The following RFX2 variants were observed in gnomAD, a reference collection of about 807,000 sequenced individuals.
The protein encoded by RFX2 is DNA-binding protein RFX2.
Under a neutral mutation model 87.8 loss-of-function variants are expected in RFX2, and 20 were observed. The observed-to-expected ratio is 0.23, with a 90% confidence interval of 0.16 to 0.33. The LOEUF is 0.33. Ranked by LOEUF, RFX2 falls within the 10% of genes least tolerant of loss-of-function variation. The pLI, the probability that RFX2 is intolerant of heterozygous loss-of-function variation, is 1.00. For missense variants in RFX2, 767 were observed against 1,012.3 expected (o/e 0.76, Z 3.29); for synonymous variants, 397 against 431.3 (o/e 0.92, Z 0.98).
chr19:6,030,990 T>A (rs1028558741), intron 5 of RFX2, among the ~76,000 whole-genome samples: 5 of 152,198 alleles, frequency 3.3e-5, no homozygotes, highest in Non-Finnish European at 1.5e-5. Context: ...GAAAAGTCAC[T>A]AACTTTGAGA....
chr19:6,002,211 G>A lies in RFX2; in HGVS notation c.1651-188C>T, dbSNP rs1367809231. On this transcript the variant is annotated intron_variant, in intron 14 of 17. Transcript: ENST00000303657. This position sits in a 1 kb window ranked among gnomAD's most constrained non-coding sequence, Gnocchi z 6.7. ...GCAGAATAGAGAGCTGAGGGGGATC[G>A]TACCCGGCTTCCGGGGACTCATACC... 2.6e-5 allele frequency among the ~76,000 whole-genome samples: 4 copies of A among 152,268 alleles called. No individual in the cohort carries two copies. The highest frequency in any genetic ancestry group is 4.4e-5 in the Non-Finnish European group (3 of 68,046).
rs541057991 is a variant in RFX2 at position 6,013,434 on chromosome 19, C to T, written c.780-329G>A. On this transcript the variant is annotated intron_variant, in intron 7 of 17. Transcript: ENST00000303657. The surrounding 1 kb of genome is among the most constrained non-coding windows in gnomAD (Gnocchi z 4.1). ...CTCCTGGGCTCAAGTGATCCTCCTGCCTTGGCCTCCCAAAGTGCTGGGATT... is the reference window on the plus strand; with the variant it reads ...CTCCTGGGCTCAAGTGATCCTCCTGTCTTGGCCTCCCAAAGTGCTGGGATT... 2.4e-4 allele frequency among the ~76,000 whole-genome samples: 37 copies of T among 151,880 alleles called. No individual in the cohort carries two copies. Among genetic ancestry groups the T allele is most frequent in the African/African-American group, 8.2e-4 (34 of 41,398 alleles).
At position 6,064,442 on chromosome 19, in the gene RFX2, G is replaced by C. The variant is rs991023697; in HGVS notation, c.-8-16938C>G. Among the ~76,000 whole-genome samples, 1 of 152,216 alleles carries C rather than the reference G, an allele frequency of 6.6e-6. No homozygotes were observed. The highest frequency in any genetic ancestry group is 1.5e-5 in the Non-Finnish European group (1 of 68,038). On this transcript the variant is annotated intron_variant, in intron 1 of 17. Coordinates refer to ENST00000303657, the MANE Select transcript of RFX2 (RefSeq NM_000635.4). The surrounding 1 kb of genome is among the most constrained non-coding windows in gnomAD (Gnocchi z 4.8). ...GCCAGTGAAAACCTGGCATGCGGAG[G>C]CCTCACCTCACTCACCCTCTCCTGT...
intron 1 of RFX2, among the ~76,000 whole-genome samples, chr19:6,072,430 C>T (rs2087620503): frequency 6.6e-6 from 1 of 152,184 alleles, no homozygotes; most frequent in Admixed American, 6.5e-5. Flanking sequence ...GGGCCAGGAG[C>T]AGTGGCTCAT....
Position 5,997,114 on chromosome 19 carries a change from C to T in RFX2, c.1959G>A (p.Val653=), listed in dbSNP as rs2144659610. ...CGGTGGCCTCCGCGACGCGGTGCTC[C>T]ACCAGGTAGAACATGTACTCGTCGT... ...LLYDEYMFYL[V]EHRVAEATGE... Residue 653 remains valine, a synonymous_variant, in exon 16 of 18, where the codon GTG becomes GTA. Coordinates refer to ENST00000303657, the MANE Select transcript of RFX2 (RefSeq NM_000635.4). This position sits in a 1 kb window ranked among gnomAD's most constrained non-coding sequence, Gnocchi z 4.2. 6.2e-7 allele frequency: 1 copy of T among 1,613,686 alleles called. No homozygotes were observed. The highest frequency in any genetic ancestry group is 1.6e-4 in the Middle Eastern group (1 of 6,062).
At chr19:6,030,603 A>G (rs2086942741) in intron 5 of RFX2, among the ~76,000 whole-genome samples, 1 of 152,216 alleles carries the variant, frequency 6.6e-6, no homozygotes, top group Non-Finnish European at 1.5e-5. Context: ...GGAAGAAGGG[A>G]CAATGGAGAG....
chr19:6,079,757 G>A (rs1316742789), intron 1 of RFX2, among the ~76,000 whole-genome samples: 1 of 151,906 alleles, frequency 6.6e-6, no homozygotes, highest in Non-Finnish European at 1.5e-5. Flanking sequence ...ATGGTGGCTC[G>A]TGCCTGTAGT....
intron 1 of RFX2, among the ~76,000 whole-genome samples, chr19:6,059,694 C>T (rs1240772330): frequency 5.3e-5 from 8 of 152,132 alleles, no homozygotes; most frequent in African/African-American, 1.7e-4. Context: ...ACACTCCCCA[C>T]GTATGCATAT....
Position 6,001,708 on chromosome 19 carries a change from G to T in RFX2, c.1859+107C>A. Reference sequence around the variant, plus strand: ...GTTCAGACACTGCTGCAACTCTGCTGAGCCCTGTTTTGCTCTGAGCTCACC... The same window carrying T: ...GTTCAGACACTGCTGCAACTCTGCTTAGCCCTGTTTTGCTCTGAGCTCACC... On this transcript the variant is annotated intron_variant, in intron 15 of 17. Coordinates refer to ENST00000303657, the MANE Select transcript of RFX2 (RefSeq NM_000635.4). The surrounding 1 kb of genome is among the most constrained non-coding windows in gnomAD (Gnocchi z 5.6). 1 of 948,590 alleles carries T rather than the reference G, an allele frequency of 1.1e-6. No individual in the cohort carries two copies. Among genetic ancestry groups the T allele is most frequent in the Non-Finnish European group, 1.5e-6 (1 of 649,620 alleles). 58.8% of individuals were successfully genotyped at this position (948,590 alleles called of 1,614,324 possible). A position where few individuals can be genotyped will look rare whatever the true frequency, so the allele number is the denominator to read the frequency against.
In RFX2 at chr19:6,021,714, G is replaced by A. The variant is rs1034349962; in HGVS notation, c.597+4449C>T. Among the ~76,000 whole-genome samples, 1 of 152,226 alleles carries A rather than the reference G, an allele frequency of 6.6e-6. No individual in the cohort carries two copies. The highest frequency in any genetic ancestry group is 2.1e-4 in the South Asian group (1 of 4,836). ...AGCACAGTGAGGAGTGGGAGAGAGC[G>A]GGTCCTGCAGGGCCTTGTGGGCCAT... On this transcript the variant is annotated intron_variant, in intron 6 of 17. Transcript: ENST00000303657. This position sits in a 1 kb window ranked among gnomAD's most constrained non-coding sequence, Gnocchi z 5.7.
intron 1 of RFX2, among the ~76,000 whole-genome samples, chr19:6,091,407 C>T (rs1270005858): frequency 1.3e-5 from 2 of 151,334 alleles, no homozygotes; most frequent in South Asian, 2.1e-4. Flanking sequence ...ATGATCGCAC[C>T]ACCCCACTGC....
chr19:6,089,648 C>T (rs2144879402), intron 1 of RFX2, among the ~76,000 whole-genome samples: 1 of 152,354 alleles, frequency 6.6e-6, no homozygotes, highest in South Asian at 2.1e-4. Flanking sequence ...AGAAGCCGAA[C>T]CAGAAAGCAG....
chr19:5,994,163 C>T lies in RFX2; in HGVS notation c.*672G>A, dbSNP rs759896839. 6.6e-6 allele frequency: 1 copy of T among 152,268 alleles called. No individual in the cohort carries two copies. Among genetic ancestry groups the T allele is most frequent in the Non-Finnish European group, 1.5e-5 (1 of 68,072 alleles). The allele number at this position is 152,268 out of a possible 1,614,324, so 9.4% of individuals were successfully genotyped here. A position where few individuals can be genotyped will look rare whatever the true frequency, so the allele number is the denominator to read the frequency against. On this transcript the variant is annotated 3_prime_UTR_variant, in exon 18 of 18. Transcript: ENST00000303657. The stretch of plus-strand genomic sequence containing the variant: ...CCGGGACACAGCGATTGTCAGCTGC[C>T]CCTCAAGTCCTTTGGCATCTGGAGA...
intron 1 of RFX2, among the ~76,000 whole-genome samples, chr19:6,089,337 T>C (rs1035690463): frequency 6.6e-6 from 1 of 152,198 alleles, no homozygotes; most frequent in South Asian, 2.1e-4. Flanking sequence ...TGTGGGGTTT[T>C]GGGCAGTCTC....
intron 2 of RFX2, among the ~76,000 whole-genome samples, chr19:6,046,864 G>A (rs1192596710): frequency 1.3e-5 from 2 of 151,706 alleles, no homozygotes; most frequent in Non-Finnish European, 1.5e-5. Flanking sequence ...CCCAGGCTCA[G>A]GTGATCCTCC....
chr19:6,077,320 G>A (rs940757377), intron 1 of RFX2, among the ~76,000 whole-genome samples: 1 of 152,178 alleles, frequency 6.6e-6, no homozygotes, highest in Admixed American at 6.5e-5. Flanking sequence ...ACAGGCAAGG[G>A]CACCAGGGTT....
rs538314585 is a variant in RFX2, at chr19:6,047,913, G to A, written c.-8-409C>T. Among the ~76,000 whole-genome samples, 2 of 152,338 alleles carry A rather than the reference G, an allele frequency of 1.3e-5. No individual in the cohort carries two copies. The highest frequency in any genetic ancestry group is 6.5e-5 in the Admixed American group (1 of 15,312). On this transcript the variant is annotated intron_variant, in intron 1 of 17. Transcript: ENST00000303657. This position sits in a 1 kb window ranked among gnomAD's most constrained non-coding sequence, Gnocchi z 4.2. The stretch of plus-strand genomic sequence containing the variant: ...TTTGGGAAGCTACTGCACCCCAAAC[G>A]ACAACGGGAGAAACTCTAAGGCTGG...
chr19:6,102,797 T>A (rs2088147425), intron 1 of RFX2, among the ~76,000 whole-genome samples: 1 of 152,192 alleles, frequency 6.6e-6, no homozygotes, highest in African/African-American at 2.4e-5. Context: ...TTTTTGTCTC[T>A]ACTGTTCAAT....
intron 1 of RFX2, among the ~76,000 whole-genome samples, chr19:6,062,260 G>T (rs533362402): frequency 6.6e-6 from 1 of 152,324 alleles, no homozygotes; most frequent in South Asian, 2.1e-4. Context: ...AACAGCAGCG[G>T]CAGTAGCTGG....
Sources: allele counts gnomAD v4.1 joint callset (sites outside exome capture counted in the v4.1 genomes callset), GRCh38; gene constraint gnomAD v4.1.1; non-coding constraint Gnocchi (gnomAD v3.1); transcripts MANE v1.5; gene names NCBI Gene and HGNC (gene_info 2026-07-23, HGNC 2026-07-21).